The following MCTP1 variants were observed in gnomAD, a reference collection of about 807,000 sequenced individuals.
MCTP1 encodes the protein multiple C2 and transmembrane domain-containing protein 1.
Under a neutral mutation model 120.6 loss-of-function variants are expected in MCTP1, and 69 were observed. The ratio of observed to expected loss-of-function variants is 0.57; its 90% CI spans 0.47 to 0.70. MCTP1 has a LOEUF of 0.70. Ranked by LOEUF, MCTP1 falls within the 30% of genes least tolerant of loss-of-function variation. The pLI is 0.00. For synonymous variants in MCTP1, 529 were observed against 493.1 expected (o/e 1.07, Z -0.96); for missense variants, 1,203 against 1,248.8 (o/e 0.96, Z 0.55).
intron 1 of MCTP1, among the ~76,000 whole-genome samples, chr5:95,239,495 G>A (rs979572402): frequency 4.6e-5 from 7 of 152,256 alleles, no homozygotes; most frequent in South Asian, 2.1e-4. Flanking sequence ...GTCTAGTTCT[G>A]GGGATGAATT....
chr5:94,909,991 A>G (rs924241926), intron 9 of MCTP1, among the ~76,000 whole-genome samples: 1 of 152,034 alleles, frequency 6.6e-6, no homozygotes, highest in African/African-American at 2.4e-5. Flanking sequence ...TAAGTGACAC[A>G]CCTACGGTCA....
intron 1 of MCTP1, among the ~76,000 whole-genome samples, chr5:95,228,799 C>A (rs569298388): frequency 6.6e-6 from 1 of 152,096 alleles, no homozygotes; most frequent in South Asian, 2.1e-4. Flanking sequence ...AGCACCTCCC[C>A]GCAACTCTCT....
chr5:95,137,506 T>A (rs184412107), intron 1 of MCTP1, among the ~76,000 whole-genome samples: 1 of 152,220 alleles, frequency 6.6e-6, no homozygotes, highest in African/African-American at 2.4e-5. Context: ...CAGGTCTAGA[T>A]TCTAGCAAAG....
intron 2 of MCTP1, among the ~76,000 whole-genome samples, chr5:94,965,319 A>G (rs1355595099): frequency 1.3e-5 from 2 of 151,988 alleles, no homozygotes; most frequent in African/African-American, 4.8e-5. Flanking sequence ...TATCCACTTC[A>G]CTCTCTTTTC....
chr5:94,981,908 T>C (rs1033619714), intron 2 of MCTP1, among the ~76,000 whole-genome samples: 6 of 152,102 alleles, frequency 3.9e-5, no homozygotes, highest in Non-Finnish European at 5.9e-5. Flanking sequence ...GGGTTTTTCT[T>C]CAAGTAAATT....
At chr5:94,789,917 C>A (rs1186731094) in intron 18 of MCTP1, among the ~76,000 whole-genome samples, 1 of 152,088 alleles carries the variant, frequency 6.6e-6, no homozygotes, top group African/African-American at 2.4e-5. Flanking sequence ...AAAGATCAGA[C>A]TAAAATATTT....
chr5:94,851,934 T>C (rs1793822413), intron 17 of MCTP1, among the ~76,000 whole-genome samples: 1 of 151,906 alleles, frequency 6.6e-6, no homozygotes, highest in East Asian at 1.9e-4. Flanking sequence ...AGAGTAAATG[T>C]TTTATATATG....
Position 95,066,495 on chromosome 5 carries a change from TG to T in MCTP1, c.721-49012del, listed in dbSNP as rs993043026. ...TTATATGATCCAGCAATCTCACTAC[TG>T]GGTATATATCCAAAGGAAATGAAAT... On this transcript the variant is annotated intron_variant, in intron 1 of 22. Transcript: ENST00000515393. Among the ~76,000 whole-genome samples, 81 of 152,310 alleles carry T rather than the reference TG, an allele frequency of 5.3e-4. 1 individual carries two copies. Among genetic ancestry groups the T allele is most frequent in the African/African-American group, 1.9e-3 (77 of 41,576 alleles).
chr5:94,967,919 G>A (rs1825981101), intron 2 of MCTP1, among the ~76,000 whole-genome samples: 1 of 152,070 alleles, frequency 6.6e-6, no homozygotes, highest in African/African-American at 2.4e-5. Context: ...ATCACTTAGT[G>A]GCTTTTAGGT....
At chr5:94,743,588 G>A (rs889194785) in intron 19 of MCTP1, among the ~76,000 whole-genome samples, 1 of 149,272 alleles carries the variant, frequency 6.7e-6, no homozygotes, top group African/African-American at 2.5e-5. Flanking sequence ...CAGGCCCAAT[G>A]TTGCCAGAAC....
intron 1 of MCTP1, among the ~76,000 whole-genome samples, chr5:95,030,403 C>A (rs928498664): frequency 4.7e-4 from 72 of 152,200 alleles, no homozygotes; most frequent in African/African-American, 1.7e-3. Context: ...CAACACAAAA[C>A]CTGCTACCAG....
At chr5:94,765,270 A>T (rs1772328115) in intron 19 of MCTP1, among the ~76,000 whole-genome samples, 1 of 152,220 alleles carries the variant, frequency 6.6e-6, no homozygotes, top group Non-Finnish European at 1.5e-5. Flanking sequence ...CATTTATAGA[A>T]ATAAATGCCA....
At chr5:94,769,101 C>A (rs1773482098) in intron 19 of MCTP1, among the ~76,000 whole-genome samples, 2 of 151,942 alleles carry the variant, frequency 1.3e-5, no homozygotes, top group African/African-American at 4.8e-5. Context: ...GTGGGTGGGA[C>A]TTGAGGTCCT....
At chr5:94,954,757 C>T (rs952774416) in intron 2 of MCTP1, among the ~76,000 whole-genome samples, 10 of 152,036 alleles carry the variant, frequency 6.6e-5, no homozygotes, top group African/African-American at 1.2e-4. Flanking sequence ...GGAAAAGATG[C>T]GTGTTAAAGT....
At chr5:94,813,724 A>G (rs1783907717) in intron 17 of MCTP1, among the ~76,000 whole-genome samples, 1 of 152,178 alleles carries the variant, frequency 6.6e-6, no homozygotes, top group South Asian at 2.1e-4. Context: ...TGTCTCTACA[A>G]CAAAATTTTA....
intron 19 of MCTP1, among the ~76,000 whole-genome samples, chr5:94,776,812 C>A (rs954892224): frequency 5.3e-5 from 8 of 152,168 alleles, no homozygotes. Context: ...AATTACCCTT[C>A]TTCCACTCAG....
chr5:95,127,550 A>G (rs1157440551), intron 1 of MCTP1, among the ~76,000 whole-genome samples: 1 of 152,114 alleles, frequency 6.6e-6, no homozygotes, highest in Non-Finnish European at 1.5e-5. Flanking sequence ...GGAGAGAGGA[A>G]GTACTTCAAC....
rs544651908 is a variant in MCTP1 at position 95,127,311 on chromosome 5, G to A, written c.721-109827C>T. Among the ~76,000 whole-genome samples, 4 of 152,148 alleles carry A rather than the reference G, an allele frequency of 2.6e-5. No individual in the cohort carries two copies. In the East Asian group the frequency reaches 7.7e-4, roughly 29 times the overall value. On this transcript the variant is annotated intron_variant, in intron 1 of 22. Coordinates refer to ENST00000515393, the MANE Select transcript of MCTP1 (RefSeq NM_024717.7). Reference sequence around the variant, plus strand: ...AGTATTTTGGGGGTATATATTGAATGACAAGCAGAAAGTGCTCTTCAGTGG... The same window carrying A: ...AGTATTTTGGGGGTATATATTGAATAACAAGCAGAAAGTGCTCTTCAGTGG...
intron 2 of MCTP1, among the ~76,000 whole-genome samples, chr5:94,968,268 T>A (rs1175575319): frequency 6.6e-6 from 1 of 152,214 alleles, no homozygotes. Context: ...AGAAGAAAAT[T>A]AAATAGATTC....
Sources: allele counts gnomAD v4.1 joint callset (sites outside exome capture counted in the v4.1 genomes callset), GRCh38; gene constraint gnomAD v4.1.1; transcripts MANE v1.5; gene names NCBI Gene and HGNC (gene_info 2026-07-23, HGNC 2026-07-21).